The following MDH1B variants were observed in gnomAD, a reference collection of about 807,000 sequenced individuals.
MDH1B encodes malate dehydrogenase 1B.
MDH1B carries 60 observed loss-of-function variants against 61.4 expected under a neutral mutation model. The observed-to-expected ratio is 0.98, with a 90% confidence interval of 0.79 to 1.21. The LOEUF (loss-of-function observed/expected upper bound fraction) is 1.21. Ranked by LOEUF, MDH1B falls within the 50% of genes most tolerant of loss-of-function variation. The pLI, the probability that MDH1B is intolerant of heterozygous loss-of-function variation, is 0.00. For synonymous variants in MDH1B, 236 were observed against 218.7 expected, an observed-to-expected ratio of 1.08 and a Z score of -0.70; for missense variants, 587 against 632.1, an observed-to-expected ratio of 0.93 and a Z score of 0.76.
rs1687583824 is a variant in MDH1B, at chr2:206,737,926, A to G, written c.*557T>C. ...CAGGTCTTATGAAGGTGGTGAACCC[A>G]ACCAGCTCTGAAGAGCTCACAGGCA... On this transcript the variant is annotated 3_prime_UTR_variant, in exon 12 of 12. Transcript: ENST00000374412. 6.6e-6 allele frequency: 1 copy of G among 152,308 alleles called. No individual in the cohort carries two copies. The highest frequency in any genetic ancestry group is 1.5e-5 in the Non-Finnish European group (1 of 68,120). 9.4% of individuals were successfully genotyped at this position (152,308 alleles called of 1,614,324 possible).
chr2:206,760,928 T>C lies in MDH1B; in HGVS notation c.108A>G (p.Lys36=). ...QKNLPDFRIH[K]ITQRPEVWED... is the part of the protein sequence containing the mutation. ...CCCAAACCTCAGGACGTTGTGTGAT[T>C]TTATGTATCCGAAAATCAGGAAGAT... is the stretch of plus-strand genomic sequence containing the variant. The change falls in exon 2 of 12, where the codon AAA becomes AAG. Residue 36 remains lysine, a synonymous_variant. Coordinates refer to ENST00000374412, the MANE Select transcript of MDH1B (RefSeq NM_001039845.3). 1.2e-6 allele frequency: 2 copies of C among 1,612,172 alleles called. No homozygotes were observed. Among genetic ancestry groups the C allele is most frequent in the Non-Finnish European group, 1.7e-6 (2 of 1,178,442 alleles).
chr2:206,739,520 A>G, intron 11 of MDH1B, 73 bp downstream of exon 11: 2 of 1,355,998 alleles, frequency 1.5e-6, no homozygotes, highest in Non-Finnish European at 2.1e-6. Flanking sequence ...ATTGCAAGGA[A>G]ATTTGATCCT....
intron 9 of MDH1B, among the ~76,000 whole-genome samples, chr2:206,743,723 C>A (rs1353689802): frequency 6.6e-6 from 1 of 152,168 alleles, no homozygotes; most frequent in African/African-American, 2.4e-5. Context: ...CACAGGCGTG[C>A]ATGCACACAC....
chr2:206,746,513 C>T, intron 7 of MDH1B, 87 bp from the exon 8 acceptor site: 3 of 1,355,828 alleles, frequency 2.2e-6, no homozygotes, highest in Admixed American at 2.7e-5. Context: ...AAATGACAGA[C>T]ATAGTATAGG....
At chr2:206,752,496 CAGGGGAG>C (rs1321825670) in intron 5 of MDH1B, among the ~76,000 whole-genome samples, 2 of 151,148 alleles carry the variant, frequency 1.3e-5, no homozygotes, top group Non-Finnish European at 2.9e-5. Context: ...ACCCAACTCT[CAGGGGAG>C]TTAGTGATGT....
At chr2:206,752,775 A>G (rs1688524935) in intron 5 of MDH1B, among the ~76,000 whole-genome samples, 2 of 139,056 alleles carry the variant, frequency 1.4e-5, no homozygotes, top group South Asian at 4.8e-4. Flanking sequence ...CCCTCTTGGC[A>G]TGAATTTCCC....
chr2:206,755,319 C>A lies in MDH1B; in HGVS notation c.600G>T (p.Lys200Asn), dbSNP rs757181949. 1 of 1,614,234 alleles carries A rather than the reference C, an allele frequency of 6.2e-7. No individual in the cohort carries two copies. Among genetic ancestry groups the A allele is most frequent in the Non-Finnish European group, 8.5e-7 (1 of 1,180,050 alleles). The change falls in exon 5 of 12, where the codon AAG (lysine) becomes AAT (asparagine). Residue 200 changes from lysine (K) to asparagine (N), a missense_variant. By Grantham distance (94) the Lys-to-Asn change is moderately conservative. Transcript: ENST00000374412. ...GGGCCTGGCGGAAGGCCTCCTCCAC[C>A]TTCGTGCAGATGGAGACACTGCGCA... ...PVLRSVSICTKVEEAFRQAHV... is the reference protein window; with the variant it reads ...PVLRSVSICTNVEEAFRQAHV...
intron 9 of MDH1B, among the ~76,000 whole-genome samples, chr2:206,744,922 CTAAA>C (rs201554464): frequency 3.3e-5 from 5 of 150,364 alleles, no homozygotes; most frequent in Admixed American, 6.7e-5. Context: ...AAGACTCTGT[CTAAA>C]TAAATAAATA....
chr2:206,750,863 T>C (rs552136281), intron 6 of MDH1B, 71 bp downstream of exon 6: 54 of 1,262,736 alleles, frequency 4.3e-5, no homozygotes, highest in Admixed American at 5.4e-5. Context: ...TATGAGATGA[T>C]TTAAAAGATT....
chr2:206,765,004 C>G (rs1037964038), intron 1 of MDH1B, among the ~76,000 whole-genome samples: 10 of 152,218 alleles, frequency 6.6e-5, no homozygotes, highest in African/African-American at 1.7e-4. Flanking sequence ...CACACCGTAT[C>G]AAAAGTACAT....
chr2:206,742,318 T>C (rs1687858289), intron 9 of MDH1B, among the ~76,000 whole-genome samples: 1 of 152,210 alleles, frequency 6.6e-6, no homozygotes, highest in Non-Finnish European at 1.5e-5. Context: ...TGGAAAAGAA[T>C]GGGATGCTGC....
chr2:206,738,882 C>T (rs911575301), intron 11 of MDH1B, among the ~76,000 whole-genome samples: 4 of 152,132 alleles, frequency 2.6e-5, no homozygotes, highest in Admixed American at 1.3e-4. Context: ...GTCCATCATA[C>T]CATACATTTC....
intron 9 of MDH1B, among the ~76,000 whole-genome samples, chr2:206,745,202 G>A (rs559727866): frequency 1.3e-5 from 2 of 152,236 alleles, no homozygotes; most frequent in African/African-American, 4.8e-5. Flanking sequence ...AATGCAAGCA[G>A]TGCAACCCAA....
chr2:206,745,858 C>T (rs1288445013), intron 8 of MDH1B, among the ~76,000 whole-genome samples, 185 bp from the exon 9 acceptor site: 1 of 151,734 alleles, frequency 6.6e-6, no homozygotes, highest in African/African-American at 2.4e-5. Context: ...CTCAGCCTCC[C>T]GAGTAGCTGG....
At chr2:206,755,607 T>G (rs2105943438) in intron 4 of MDH1B, 102 bp from the exon 5 acceptor site, 1 of 1,403,728 alleles carries the variant, frequency 7.1e-7, no homozygotes, top group Non-Finnish European at 9.5e-7. Flanking sequence ...ATAGGGTGGT[T>G]TAATATTTAA....
intron 8 of MDH1B, among the ~76,000 whole-genome samples, 172 bp from the exon 9 acceptor site, chr2:206,745,845 T>C (rs979686866): frequency 1.3e-5 from 2 of 151,672 alleles, no homozygotes; most frequent in Admixed American, 1.3e-4. Context: ...GCGATTCTCC[T>C]GCCTCAGCCT....
rs151212701 is a variant in MDH1B, at chr2:206,745,594, C to A, written c.1408+28G>T. The A allele has an allele frequency of 1.9e-6, 3 of 1,543,366 alleles. No individual in the cohort carries two copies. The East Asian group carries it at 6.7e-5, about 35-fold the overall frequency. On this transcript the variant is annotated intron_variant, in intron 9 of 11. Coordinates refer to ENST00000374412, the MANE Select transcript of MDH1B (RefSeq NM_001039845.3). ...TTTTAATACTCTTTTAATAGCAGTC[C>A]AATAAAACATCACGTCTAAGAGCTT...
chr2:206,760,718 AGG>A (rs938552997), intron 2 of MDH1B, among the ~76,000 whole-genome samples, 181 bp downstream of exon 2: 12 of 152,240 alleles, frequency 7.9e-5, no homozygotes, highest in African/African-American at 2.7e-4. Context: ...ACTAGGTATT[AGG>A]GAAAAAACAT....
chr2:206,750,131 A>T (rs973837103), intron 6 of MDH1B, among the ~76,000 whole-genome samples: 1 of 152,024 alleles, frequency 6.6e-6, no homozygotes, highest in African/African-American at 2.4e-5. Flanking sequence ...AAAGGAAAGC[A>T]AAGGGCAATG....
Sources: allele counts gnomAD v4.1 joint callset (sites outside exome capture counted in the v4.1 genomes callset), GRCh38; gene constraint gnomAD v4.1.1; transcripts MANE v1.5; gene names NCBI Gene and HGNC (gene_info 2026-07-23, HGNC 2026-07-21).